UMPS: variants seen among roughly 807,000 people sequenced by gnomAD.
UMPS encodes uridine monophosphate synthetase.
A neutral mutation model predicts 38.9 loss-of-function variants in UMPS; 21 were observed. That is an observed-to-expected ratio of 0.54 (90% CI 0.38 to 0.78). The LOEUF is 0.78. UMPS is among the 30% of genes least tolerant of loss of function. UMPS has a pLI of 0.00. For synonymous variants in UMPS, 208 were observed against 219.3 expected, an observed-to-expected ratio of 0.95 and a Z score of 0.45; for missense variants, 533 against 591.6, an observed-to-expected ratio of 0.90 and a Z score of 1.03.
chr3:124,743,226 C>T (rs1481749940), intron 5 of UMPS, among the ~76,000 whole-genome samples: 1 of 151,998 alleles, frequency 6.6e-6, no homozygotes, highest in Non-Finnish European at 1.5e-5. Flanking sequence ...CCCAGCTACT[C>T]GGGAGGCTGA....
In UMPS at chr3:124,742,271, A is replaced by G. The variant is rs1461506243; in HGVS notation, c.1273+5A>G. The G allele has an allele frequency of 2.5e-6, 4 of 1,607,426 alleles. No homozygotes were observed. In the South Asian group the frequency reaches 3.3e-5, roughly 13 times the overall value. On this transcript the variant is annotated splice_donor_5th_base_variant and intron_variant, in intron 5 of 5. Transcript: ENST00000232607. ...GAGTTCAGTTGGAAGCAGGAGGTAA[A>G]TCTGGTCACTGGTCGTGGCTCTTCC...
In UMPS at chr3:124,738,020, T is replaced by G. The variant is rs2063529664; in HGVS notation, c.763T>G (p.Cys255Gly). 6.2e-6 allele frequency: 10 copies of G among 1,614,240 alleles called. No individual in the cohort carries two copies. The highest frequency in any genetic ancestry group is 8.5e-6 in the Non-Finnish European group (10 of 1,180,036). Residue 255 changes from cysteine (C) to glycine (G), a missense_variant, in exon 3 of 6, where the codon TGT (cysteine) becomes GGT (glycine). Transcript: ENST00000232607. ...TATGCAAAAGAAGGAGACCAATCTG[T>G]GTCTATCTGCTGATGTTTCACTGGC... ...RLMQKKETNL[C>G]LSADVSLARE...
In UMPS at chr3:124,748,854, T is replaced by G. The variant is rs1294043795; in HGVS notation, c.*4770T>G. The G allele has an allele frequency of 2.4e-6, 1 of 416,422 alleles. No individual in the cohort carries two copies. The highest frequency in any genetic ancestry group is 4.8e-6 in the Non-Finnish European group (1 of 209,386). The allele number at this position is 416,422 out of a possible 1,614,324, so 25.8% of individuals were successfully genotyped here. On this transcript the variant is annotated 3_prime_UTR_variant, in exon 6 of 6. Transcript: ENST00000232607. ...TTATAGAGAAGCTGAATTCTCCTGT[T>G]TTTCTGAAAAGGGCATGGGAGTTAG...
intron 1 of UMPS, among the ~76,000 whole-genome samples, chr3:124,731,869 A>G (rs1354806535): frequency 7.1e-6 from 1 of 140,428 alleles, no homozygotes; most frequent in Non-Finnish European, 1.6e-5. Context: ...CAACAGAGGG[A>G]GACTGTCTCA....
chr3:124,748,248 T>A lies in UMPS; in HGVS notation c.*4164T>A. On this transcript the variant is annotated 3_prime_UTR_variant, in exon 6 of 6. Transcript: ENST00000232607. ...CCCGGCCTGTTGGAGTTCTTTACAT[T>A]TATTTTATAATCAATGCTGTTTTAT... The A allele has an allele frequency of 2.2e-6, 1 of 454,022 alleles. No homozygotes were observed. Among genetic ancestry groups the A allele is most frequent in the South Asian group, 1.6e-5 (1 of 64,476 alleles). 28.1% of individuals were successfully genotyped at this position (454,022 alleles called of 1,614,324 possible).
rs372881197 is a variant in UMPS at position 124,732,412 on chromosome 3, C to G, written c.156+1785C>G. The G allele has an allele frequency of 1.2e-4, 18 of 154,870 alleles. No individual in the cohort carries two copies. The East Asian group carries it at 2.9e-3, about 25-fold the overall frequency. The allele number at this position is 154,870 out of a possible 1,614,324, so 9.6% of individuals were successfully genotyped here. The stretch of plus-strand genomic sequence containing the variant: ...TAGAGGTTTCTAATACAGTGCTTCT[C>G]AACTTTGAGTATATATGAATTACCT... On this transcript the variant is annotated intron_variant, in intron 1 of 5. Transcript: ENST00000232607.
In UMPS at chr3:124,730,667, GGAA is replaced by G; in HGVS notation, c.156+42_156+44del. The G allele has an allele frequency of 2.5e-6, 4 of 1,601,130 alleles. No individual in the cohort carries two copies. The South Asian group carries it at 4.4e-5, about 18-fold the overall frequency. ...AGGGAAAGGACAGGGCTTGGTGGCG[GGAA>G]GGAGGACAAGGAAATGGAAGAGGGT... On this transcript the variant is annotated intron_variant, in intron 1 of 5. Coordinates refer to ENST00000232607, the MANE Select transcript of UMPS (RefSeq NM_000373.4).
intron 5 of UMPS, 76 bp from the exon 6 acceptor site, chr3:124,743,839 C>A: frequency 4.4e-6 from 7 of 1,582,972 alleles, no homozygotes; most frequent in Non-Finnish European, 6.0e-6. Context: ...TGGTTAGATA[C>A]TTTTTCAGAG....
rs762114898 is a variant in UMPS at position 124,730,483 on chromosome 3, TCG to T, written c.13_14del (p.Arg5CysfsTer64). 6 of 1,614,170 alleles carry T rather than the reference TCG, an allele frequency of 3.7e-6. No homozygotes were observed. Among genetic ancestry groups the T allele is most frequent in the Non-Finnish European group, 4.2e-6 (5 of 1,180,000 alleles). MAVA[R>X]AALGPLVTGL... ...GGCAGCGCGCGACAATGGCGGTCGC[TCG>T]TGCAGCTTTGGGGCCATTGGTGACG... is the stretch of plus-strand genomic sequence containing the variant. On this transcript the variant is annotated frameshift_variant, in exon 1 of 6. Coordinates refer to ENST00000232607, the MANE Select transcript of UMPS (RefSeq NM_000373.4). LOFTEE classifies it high-confidence loss of function.
In UMPS at chr3:124,746,685, T is replaced by TG. The variant is rs2063601143; in HGVS notation, c.*2603dup. 1 of 452,460 alleles carries TG rather than the reference T, an allele frequency of 2.2e-6. No homozygotes were observed. The highest frequency in any genetic ancestry group is 2.0e-5 in the African/African-American group (1 of 49,602). The allele number at this position is 452,460 out of a possible 1,614,324, so 28.0% of individuals were successfully genotyped here. A position where few individuals can be genotyped will look rare whatever the true frequency, so the allele number is the denominator to read the frequency against. On this transcript the variant is annotated 3_prime_UTR_variant, in exon 6 of 6. Transcript: ENST00000232607. Reference sequence around the variant, plus strand: ...GTGCACAGAATGTCTGTGAGACTGATGGAGTGGAGAACGCCATCCCCCAGC... The same window carrying TG: ...GTGCACAGAATGTCTGTGAGACTGATGGGAGTGGAGAACGCCATCCCCCAGC...
chr3:124,738,254 C>T lies in UMPS; in HGVS notation c.982+15C>T, dbSNP rs1488732666. The T allele has an allele frequency of 7.4e-6, 12 of 1,612,048 alleles. No individual in the cohort carries two copies. The highest frequency in any genetic ancestry group is 4.5e-5 in the East Asian group (2 of 44,892). ...GCAGTATGAAGGTAAGTGTATTATT[C>T]AGGAATCTGCAAGAATCAGAAATCC... On this transcript the variant is annotated intron_variant, in intron 3 of 5. Coordinates refer to ENST00000232607, the MANE Select transcript of UMPS (RefSeq NM_000373.4).
rs11443775 is a variant in UMPS at position 124,747,266 on chromosome 3, C to CA, written c.*3183dup. On this transcript the variant is annotated 3_prime_UTR_variant, in exon 6 of 6. Transcript: ENST00000232607. ...AGTGTGTGCCCGACAGCAGAGCCCA[C>CA]ACCACTCCAGTTGCAGTGGTTGCCA... 0.19 allele frequency: 84,218 copies of CA among 453,940 alleles called. 8,646 individuals are homozygous for CA. Among genetic ancestry groups the CA allele is most frequent in the Admixed American group, 0.29 (12,429 of 42,538 alleles). 28.1% of individuals were successfully genotyped at this position (453,940 alleles called of 1,614,324 possible).
chr3:124,748,513 C>T lies in UMPS; in HGVS notation c.*4429C>T, dbSNP rs1247826281. ...TAAGTCTGGTTTAGAAGCACATTTG[C>T]CTAGCCCTTTCCTTCCCACCAAGGG... On this transcript the variant is annotated 3_prime_UTR_variant, in exon 6 of 6. Coordinates refer to ENST00000232607, the MANE Select transcript of UMPS (RefSeq NM_000373.4). 1 of 453,978 alleles carries T rather than the reference C, an allele frequency of 2.2e-6. No homozygotes were observed. The highest frequency in any genetic ancestry group is 6.9e-5 in the East Asian group (1 of 14,414). The allele number at this position is 453,978 out of a possible 1,614,324, so 28.1% of individuals were successfully genotyped here. A position where few individuals can be genotyped will look rare whatever the true frequency, so the allele number is the denominator to read the frequency against.
Position 124,744,842 on chromosome 3 carries a change from C to T in UMPS, c.*758C>T, listed in dbSNP as rs1365469115. ...GTTAGCCATTCCCCTCCATCTCTGG[C>T]CTAAAAGTGATAGTCCAGGTATCCA... On this transcript the variant is annotated 3_prime_UTR_variant, in exon 6 of 6. Transcript: ENST00000232607. The T allele has an allele frequency of 1.3e-5, 6 of 453,986 alleles. No homozygotes were observed. Among genetic ancestry groups the T allele is most frequent in the Non-Finnish European group, 2.2e-5 (5 of 226,794 alleles). The allele number at this position is 453,986 out of a possible 1,614,324, so 28.1% of individuals were successfully genotyped here.
chr3:124,730,465 C>G lies in UMPS; in HGVS notation c.-7C>G, dbSNP rs1279171874. 4 of 1,613,982 alleles carry G rather than the reference C, an allele frequency of 2.5e-6. No homozygotes were observed. In the East Asian group the frequency reaches 6.7e-5, roughly 27 times the overall value. ...GGGAATTTGAAGCAAACAGGCAGCG[C>G]GCGACAATGGCGGTCGCTCGTGCAG... On this transcript the variant is annotated 5_prime_UTR_variant, in exon 1 of 6. Coordinates refer to ENST00000232607, the MANE Select transcript of UMPS (RefSeq NM_000373.4).
Position 124,744,805 on chromosome 3 carries a change from TA to T in UMPS, c.*723del. ...TTCTCTGTCTAATGTGTTGCCCAAA[TA>T]ATACCTAATTGTTAGCCATTCCCCT... is the stretch of plus-strand genomic sequence containing the variant. On this transcript the variant is annotated 3_prime_UTR_variant, in exon 6 of 6. Transcript: ENST00000232607. The T allele has an allele frequency of 2.2e-6, 1 of 454,100 alleles. No individual in the cohort carries two copies. The highest frequency in any genetic ancestry group is 4.4e-6 in the Non-Finnish European group (1 of 226,796). 28.1% of individuals were successfully genotyped at this position (454,100 alleles called of 1,614,324 possible). A position where few individuals can be genotyped will look rare whatever the true frequency, so the allele number is the denominator to read the frequency against.
In UMPS at chr3:124,745,827, T is replaced by G. The variant is rs1480139317; in HGVS notation, c.*1743T>G. ...AGGCCTTTGGAGTGATGTGCTGAGG[T>G]CTCAGGCGCCCACCTCCCTGGCTGT... On this transcript the variant is annotated 3_prime_UTR_variant, in exon 6 of 6. Coordinates refer to ENST00000232607, the MANE Select transcript of UMPS (RefSeq NM_000373.4). 1 of 454,004 alleles carries G rather than the reference T, an allele frequency of 2.2e-6. No individual in the cohort carries two copies. Among genetic ancestry groups the G allele is most frequent in the Admixed American group, 2.3e-5 (1 of 42,554 alleles). 28.1% of individuals were successfully genotyped at this position (454,004 alleles called of 1,614,324 possible).
Position 124,747,322 on chromosome 3 carries a change from G to A in UMPS, c.*3238G>A. ...GTCATCAGACCTGGCTGTCAGGGGTGCAGCCACAGGAGAGCCAACAGCAGA... is the reference window on the plus strand; with the variant it reads ...GTCATCAGACCTGGCTGTCAGGGGTACAGCCACAGGAGAGCCAACAGCAGA... On this transcript the variant is annotated 3_prime_UTR_variant, in exon 6 of 6. Transcript: ENST00000232607. The A allele has an allele frequency of 2.2e-6, 1 of 455,266 alleles. No individual in the cohort carries two copies. The highest frequency in any genetic ancestry group is 4.4e-6 in the Non-Finnish European group (1 of 226,824). 28.2% of individuals were successfully genotyped at this position (455,266 alleles called of 1,614,324 possible). A position where few individuals can be genotyped will look rare whatever the true frequency, so the allele number is the denominator to read the frequency against.
chr3:124,732,269 G>A (rs2063484906), intron 1 of UMPS, among the ~76,000 whole-genome samples: 1 of 152,214 alleles, frequency 6.6e-6, no homozygotes, highest in Non-Finnish European at 1.5e-5. Context: ...TGGAAGGGCT[G>A]TTTGGAAAGG....
Sources: allele counts gnomAD v4.1 joint callset (sites outside exome capture counted in the v4.1 genomes callset), GRCh38; gene constraint gnomAD v4.1.1; transcripts MANE v1.5; gene names NCBI Gene and HGNC (gene_info 2026-07-23, HGNC 2026-07-21).